SLC45A2: variants seen among roughly 807,000 people sequenced by gnomAD.
The protein encoded by SLC45A2 is solute carrier family 45 member 2, also known as membrane-associated transporter protein.
A neutral mutation model predicts 45.5 loss-of-function variants in SLC45A2; 36 were observed. That is an observed-to-expected ratio of 0.79 (90% CI 0.61 to 1.04). The LOEUF (loss-of-function observed/expected upper bound fraction) is 1.04. SLC45A2 is among the 50% of genes least tolerant of loss of function. SLC45A2 has a pLI of 0.00. For synonymous variants in SLC45A2, 306 were observed against 269.3 expected, an observed-to-expected ratio of 1.14 and a Z score of -1.33; for missense variants, 719 against 671.0, an observed-to-expected ratio of 1.07 and a Z score of -0.79.
intron 3 of SLC45A2, among the ~76,000 whole-genome samples, chr5:33,956,884 G>A (rs531181770): frequency 6.6e-6 from 1 of 152,044 alleles, no homozygotes; most frequent in African/African-American, 2.4e-5. Context: ...TGAACTCAAT[G>A]GAGCTTACAT....
intron 2 of SLC45A2, chr5:33,972,257 C>A: frequency 3.9e-6 from 2 of 509,284 alleles, no homozygotes; most frequent in Admixed American, 2.1e-5. Flanking sequence ...GTTACTGAAT[C>A]AAATGGATGG....
At chr5:33,949,200 C>G (rs780926286) in intron 5 of SLC45A2, among the ~76,000 whole-genome samples, 1 of 152,162 alleles carries the variant, frequency 6.6e-6, no homozygotes, top group Non-Finnish European at 1.5e-5. Context: ...GCCAGATTGT[C>G]CTGCCAACCT....
chr5:33,978,761 C>A (rs977787262), intron 2 of SLC45A2, among the ~76,000 whole-genome samples: 1 of 152,186 alleles, frequency 6.6e-6, no homozygotes, highest in Non-Finnish European at 1.5e-5. Flanking sequence ...ATATATAAAA[C>A]CAAGCTATAA....
chr5:33,980,557 G>T (rs190699484), intron 2 of SLC45A2, among the ~76,000 whole-genome samples: 383 of 152,316 alleles, frequency 2.5e-3, no homozygotes, highest in African/African-American at 8.7e-3. Context: ...CATACATGGG[G>T]TATTTGAGAA....
chr5:33,952,527 AG>A (rs1561357682), intron 4 of SLC45A2, among the ~76,000 whole-genome samples: 1 of 151,974 alleles, frequency 6.6e-6, no homozygotes, highest in African/African-American at 2.4e-5. Context: ...AGTAAATCCA[AG>A]TCACAGTAAA....
At chr5:33,947,736 TG>T (rs889970481) in intron 5 of SLC45A2, among the ~76,000 whole-genome samples, 1 of 152,220 alleles carries the variant, frequency 6.6e-6, no homozygotes, top group African/African-American at 2.4e-5. Context: ...CTAAATCAGA[TG>T]GGCTGTGGCC....
At chr5:33,969,448 A>G (rs906334900) in intron 2 of SLC45A2, among the ~76,000 whole-genome samples, 1 of 152,028 alleles carries the variant, frequency 6.6e-6, no homozygotes, top group Non-Finnish European at 1.5e-5. Context: ...CCATCCACCT[A>G]CCTCTAATCC....
chr5:33,964,340 TA>T (rs1752541594), intron 2 of SLC45A2, among the ~76,000 whole-genome samples: 1 of 152,200 alleles, frequency 6.6e-6, no homozygotes, highest in African/African-American at 2.4e-5. Flanking sequence ...AGCAAGGGCT[TA>T]CTAAGTATTG....
chr5:33,970,249 G>A (rs1752740008), intron 2 of SLC45A2, among the ~76,000 whole-genome samples: 2 of 152,146 alleles, frequency 1.3e-5, no homozygotes, highest in South Asian at 4.1e-4. Context: ...CTAAACTGAG[G>A]GAAGACAGAA....
intron 2 of SLC45A2, among the ~76,000 whole-genome samples, chr5:33,966,585 C>G (rs1230739411): frequency 6.6e-6 from 1 of 151,948 alleles, no homozygotes; most frequent in East Asian, 1.9e-4. Flanking sequence ...GGACTACAGG[C>G]GCCCGCCACC....
intron 2 of SLC45A2, among the ~76,000 whole-genome samples, chr5:33,977,954 G>C (rs927583271): frequency 6.6e-6 from 1 of 152,206 alleles, no homozygotes; most frequent in Non-Finnish European, 1.5e-5. Flanking sequence ...GAATCTGGAA[G>C]CTATCAGTTG....
At chr5:33,973,826 C>T (rs561263398) in intron 2 of SLC45A2, among the ~76,000 whole-genome samples, 1 of 110,472 alleles carries the variant, frequency 9.1e-6, no homozygotes, top group African/African-American at 2.7e-5. Context: ...TAGATGAAAT[C>T]CTTTAGATGG....
intron 5 of SLC45A2, among the ~76,000 whole-genome samples, chr5:33,950,020 T>C (rs752988750): frequency 3.3e-5 from 5 of 151,724 alleles, no homozygotes; most frequent in Admixed American, 6.6e-5. Context: ...AGACCCCATC[T>C]CTAAAAAAAA....
At chr5:33,973,199 A>T (rs776069003) in intron 2 of SLC45A2, among the ~76,000 whole-genome samples, 4 of 152,202 alleles carry the variant, frequency 2.6e-5, no homozygotes, top group Non-Finnish European at 5.9e-5. Flanking sequence ...AGTCCCCCAG[A>T]TTCCCACTTC....
rs1473336238 is a variant in SLC45A2, at chr5:33,977,086, TC to T, written c.562+5149del. Reference sequence around the variant, plus strand: ...AATTCAAATCCAATAGGACTGGTGTTCATGTAAGAAAAGGAAGAGACAGTGA... The same window carrying T: ...AATTCAAATCCAATAGGACTGGTGTTATGTAAGAAAAGGAAGAGACAGTGA... On this transcript the variant is annotated intron_variant, in intron 2 of 6. Transcript: ENST00000296589. Among the ~76,000 whole-genome samples the T allele has an allele frequency of 6.6e-5, 10 of 152,280 alleles. No homozygotes were observed. In the East Asian group the frequency reaches 1.9e-3, roughly 29 times the overall value.
intron 2 of SLC45A2, among the ~76,000 whole-genome samples, chr5:33,981,217 T>C (rs1279995682): frequency 6.6e-6 from 1 of 152,204 alleles, no homozygotes; most frequent in Non-Finnish European, 1.5e-5. Flanking sequence ...GAGGAGGATC[T>C]ACCAACTGTG....
intron 2 of SLC45A2, 54 bp from the exon 3 acceptor site, chr5:33,964,070 C>T (rs1752530891): frequency 2.0e-5 from 31 of 1,566,944 alleles, no homozygotes; most frequent in South Asian, 1.3e-4. Context: ...CGTTCATTTT[C>T]CTCATGCATA....
rs756576808 is a variant in SLC45A2 at position 33,944,863 on chromosome 5, C to A, written c.1378G>T (p.Ala460Ser). The stretch of plus-strand genomic sequence containing the variant: ...CTGTTGTCTGGGTCCCCTCCTGGGG[C>A]CTGCTGCCTCTGCAAAGGAAGCACA... ...HREEEKERQQ[A>S]PGGDPDNSVR... Residue 460 changes from alanine to serine, a missense_variant, in exon 7 of 7, where the codon GCC (alanine) becomes TCC (serine). Physicochemically the swap from Ala to Ser is moderately conservative, Grantham distance 99. Transcript: ENST00000296589. 5 of 1,612,008 alleles carry A rather than the reference C, an allele frequency of 3.1e-6. No homozygotes were observed. Among genetic ancestry groups the A allele is most frequent in the African/African-American group, 1.3e-5 (1 of 75,016 alleles).
At chr5:33,946,161 T>C (rs998814576) in intron 6 of SLC45A2, 98 of 985,332 alleles carry the variant, frequency 9.9e-5, no homozygotes, top group Non-Finnish European at 1.1e-4. Context: ...CCCAACACCA[T>C]GTAACACTCT....
Sources: gnomAD v4.1 joint callset for allele counts (sites outside exome capture counted in the v4.1 genomes callset) on GRCh38, gnomAD v4.1.1 for gene constraint, MANE v1.5 for transcripts, NCBI Gene and HGNC (gene_info 2026-07-23, HGNC 2026-07-21) for gene names.